The following APC variants were observed in gnomAD, a reference collection of about 807,000 sequenced individuals.
APC encodes APC regulator of Wnt signaling pathway, also known as adenomatous polyposis coli protein.
Under a neutral mutation model 247.0 loss-of-function variants are expected in APC, and 72 were observed. The observed-to-expected ratio is 0.29, with a 90% confidence interval of 0.24 to 0.35. APC has a LOEUF of 0.35. Ranked by LOEUF, APC falls within the 10% of genes least tolerant of loss-of-function variation. APC has a pLI of 1.00. For synonymous variants in APC, 1,254 were observed against 1,162.5 expected, an observed-to-expected ratio of 1.08 and a Z score of -1.60; for missense variants, 3,400 against 3,360.7, an observed-to-expected ratio of 1.01 and a Z score of -0.29.
At chr5:112,751,506 T>G (rs1243473451) in intron 1 of APC, among the ~76,000 whole-genome samples, 1 of 152,014 alleles carries the variant, frequency 6.6e-6, no homozygotes, top group Non-Finnish European at 1.5e-5. Context: ...GAAGTCTACT[T>G]TTCTATCTTT....
rs876660502 is a variant in APC, at chr5:112,838,997, T to C, written c.3403T>C (p.Tyr1135His). 3.7e-6 allele frequency: 6 copies of C among 1,614,110 alleles called. No individual in the cohort carries two copies. The highest frequency in any genetic ancestry group is 5.1e-6 in the Non-Finnish European group (6 of 1,180,016). The part of the protein sequence containing the change: ...VSQSLCQEDD[Y>H]EDDKPTNYSE... ...CCAGTCTTTGTGTCAAGAAGATGAC[T>C]ATGAAGATGATAAGCCTACCAATTA... The change falls in exon 16 of 16, where the codon TAT (tyrosine) becomes CAT (histidine). Residue 1135 changes from tyrosine to histidine, a missense_variant. By Grantham distance (83) the Tyr-to-His change is moderately conservative. This residue lies in a region of APC where 715 missense variants were observed against 656.6 expected (regional missense o/e 1.09). Transcript: ENST00000257430.
rs864622205 is a variant in APC, at chr5:112,843,734, C to A, written c.8140C>A (p.Arg2714Ser). Residue 2714 changes from arginine (R) to serine (S), a missense_variant, in exon 16 of 16, where the codon CGT becomes AGT. By Grantham distance (110) the Arg-to-Ser change is moderately radical. Coordinates refer to ENST00000257430, the MANE Select transcript of APC (RefSeq NM_000038.6). The surrounding 1 kb of genome is among the most constrained non-coding windows in gnomAD (Gnocchi z 4.8). ...TGTGGGTAATGGCAGTGTTCCCATG[C>A]GTACCGTGGGTTTGGAAAATCGCCT... ...QNVGNGSVPM[R>S]TVGLENRLNS... 1.2e-6 allele frequency: 2 copies of A among 1,614,038 alleles called. No individual in the cohort carries two copies. The highest frequency in any genetic ancestry group is 1.7e-6 in the Non-Finnish European group (2 of 1,179,938).
chr5:112,795,262 A>G (rs1760087992), intron 7 of APC, among the ~76,000 whole-genome samples: 1 of 152,174 alleles, frequency 6.6e-6, no homozygotes, highest in Admixed American at 6.5e-5. Context: ...TCCTGACCTC[A>G]TGATCTGCCC....
rs1474130992 is a variant in APC, at chr5:112,845,387, T to C, written c.*1261T>C. ...TATAGAATTCTGTACTTGAAATTGA[T>C]TCTTAGACATTGCAGTCTCTTCGAG... On this transcript the variant is annotated 3_prime_UTR_variant, in exon 16 of 16. Coordinates refer to ENST00000257430, the MANE Select transcript of APC (RefSeq NM_000038.6). 4.3e-6 allele frequency: 1 copy of C among 232,954 alleles called. No individual in the cohort carries two copies. The highest frequency in any genetic ancestry group is 2.2e-5 in the African/African-American group (1 of 45,316). The allele number at this position is 232,954 out of a possible 1,614,324, so 14.4% of individuals were successfully genotyped here.
chr5:112,834,522 C>T lies in APC; in HGVS notation c.1744-429C>T, dbSNP rs1034501812. 5.3e-5 allele frequency among the ~76,000 whole-genome samples: 8 copies of T among 152,126 alleles called. No individual in the cohort carries two copies. The highest frequency in any genetic ancestry group is 1.9e-4 in the African/African-American group (8 of 41,446). On this transcript the variant is annotated intron_variant, in intron 14 of 15. Transcript: ENST00000257430. ...CCTCCCAAAGTGCTGGGATTACAGGCATGAGCCACTGTGCCCGGCCACATG... is the reference window on the plus strand; with the variant it reads ...CCTCCCAAAGTGCTGGGATTACAGGTATGAGCCACTGTGCCCGGCCACATG...
At chr5:112,817,556 G>T (rs1762639971) in intron 9 of APC, among the ~76,000 whole-genome samples, 1 of 152,130 alleles carries the variant, frequency 6.6e-6, no homozygotes, top group South Asian at 2.1e-4. Context: ...TTTAATTCCA[G>T]ATCTGTCTAA....
intron 9 of APC, among the ~76,000 whole-genome samples, chr5:112,816,849 T>A (rs190150132): frequency 2.2e-4 from 33 of 151,838 alleles, no homozygotes; most frequent in Non-Finnish European, 3.7e-4. Flanking sequence ...AGTCAGAGAT[T>A]TGATTTTATT....
chr5:112,801,513 A>T lies in APC; in HGVS notation c.834+130A>T, dbSNP rs1760827574. On this transcript the variant is annotated intron_variant, in intron 8 of 15. Coordinates refer to ENST00000257430, the MANE Select transcript of APC (RefSeq NM_000038.6). ...GTCCTGAATGCATATTTCCAGAAGC[A>T]TTCAGTACCAATGTGCTGTCATTTC... is the stretch of plus-strand genomic sequence containing the variant. The T allele has an allele frequency of 2.0e-5, 13 of 643,388 alleles. No individual in the cohort carries two copies. In the South Asian group the frequency reaches 2.4e-4, roughly 12 times the overall value. The allele number at this position is 643,388 out of a possible 1,614,324, so 39.9% of individuals were successfully genotyped here.
Position 112,801,305 on chromosome 5 carries a change from C to G in APC, c.756C>G (p.Thr252=), listed in dbSNP as rs771535363. ...GGTCATCTCAGAACAAGCATGAAAC[C>G]GGCTCACATGATGCTGAGCGGCAGA... ...AERSSQNKHE[T]GSHDAERQNE... The change falls in exon 8 of 16, where the codon ACC becomes ACG. Residue 252 remains threonine (T), a synonymous_variant. Coordinates refer to ENST00000257430, the MANE Select transcript of APC (RefSeq NM_000038.6). The G allele has an allele frequency of 1.2e-6, 2 of 1,612,676 alleles. No individual in the cohort carries two copies. Among genetic ancestry groups the G allele is most frequent in the African/African-American group, 2.7e-5 (2 of 74,868 alleles).
chr5:112,768,247 T>C lies in APC; in HGVS notation c.422+857T>C, dbSNP rs370548029. Among the ~76,000 whole-genome samples, 20 of 151,940 alleles carry C rather than the reference T, an allele frequency of 1.3e-4. No homozygotes were observed. In the South Asian group the frequency reaches 3.7e-3, roughly 28 times the overall value. On this transcript the variant is annotated intron_variant, in intron 4 of 15. Coordinates refer to ENST00000257430, the MANE Select transcript of APC (RefSeq NM_000038.6). ...GAGTAGAGACAGTGTTTCACCATGT[T>C]GGTCAGGCTAGTCTCAAACTCATGA...
chr5:112,804,053 C>T (rs1265967608), intron 8 of APC, among the ~76,000 whole-genome samples: 3 of 152,136 alleles, frequency 2.0e-5, no homozygotes, highest in Non-Finnish European at 4.4e-5. Context: ...TGAGTATGTC[C>T]AGGCCTTCCA....
At chr5:112,777,408 A>T (rs1757781031) in intron 5 of APC, among the ~76,000 whole-genome samples, 1 of 152,176 alleles carries the variant, frequency 6.6e-6, no homozygotes, top group Admixed American at 6.5e-5. Context: ...CATGCAGTGG[A>T]TATAATATAC....
At position 112,792,455 on chromosome 5, in the gene APC, G is replaced by C; in HGVS notation, c.655G>C (p.Ala219Pro). 6.2e-7 allele frequency: 1 copy of C among 1,609,356 alleles called. No homozygotes were observed. Among genetic ancestry groups the C allele is most frequent in the Non-Finnish European group, 8.5e-7 (1 of 1,177,292 alleles). Residue 219 changes from alanine (A) to proline (P), a missense_variant, in exon 7 of 16, where the codon GCC becomes CCC. Physicochemically the swap from Ala to Pro is conservative, Grantham distance 27. Transcript: ENST00000257430. ...TCTTGTTTTATTTTAGCGAAGAATAGCCAGAATTCAGCAAATCGAAAAGGA... is the reference window on the plus strand; with the variant it reads ...TCTTGTTTTATTTTAGCGAAGAATACCCAGAATTCAGCAAATCGAAAAGGA... The part of the protein sequence containing the change: ...DMEKRAQRRI[A>P]RIQQIEKDIL...
intron 8 of APC, among the ~76,000 whole-genome samples, chr5:112,805,058 A>G (rs1225855647): frequency 6.6e-6 from 1 of 152,030 alleles, no homozygotes; most frequent in African/African-American, 2.4e-5. Context: ...ATACATATGT[A>G]TAATGTGTGT....
chr5:112,721,766 C>G (rs1197811660), intron 1 of APC, among the ~76,000 whole-genome samples: 1 of 150,434 alleles, frequency 6.6e-6, no homozygotes, highest in Non-Finnish European at 1.5e-5. Flanking sequence ...CTTTTGCCTC[C>G]CTCTACACCA....
At chr5:112,769,146 G>A (rs1756736424) in intron 4 of APC, among the ~76,000 whole-genome samples, 1 of 145,644 alleles carries the variant, frequency 6.9e-6, no homozygotes, top group Non-Finnish European at 1.5e-5. Context: ...CACCTCCTAG[G>A]TTCAAGCAAT....
At chr5:112,742,292 T>C (rs1561425530) in intron 1 of APC, among the ~76,000 whole-genome samples, 1 of 152,228 alleles carries the variant, frequency 6.6e-6, no homozygotes, top group African/African-American at 2.4e-5. Flanking sequence ...GCCGTAAGTT[T>C]TCTCCAAATC....
At chr5:112,714,762 C>G (rs1024034276) in intron 1 of APC, among the ~76,000 whole-genome samples, 1 of 152,194 alleles carries the variant, frequency 6.6e-6, no homozygotes, top group Non-Finnish European at 1.5e-5. Context: ...TATCATGCTT[C>G]AGCTTTACAA....
chr5:112,725,094 G>A (rs769115800), intron 1 of APC, among the ~76,000 whole-genome samples: 5 of 151,724 alleles, frequency 3.3e-5, no homozygotes, highest in Non-Finnish European at 5.9e-5. Flanking sequence ...AGCCATTCTC[G>A]TGGCCTAGCC....
Sources: allele counts gnomAD v4.1 joint callset (sites outside exome capture counted in the v4.1 genomes callset), GRCh38; gene constraint gnomAD v4.1.1; regional missense constraint gnomAD v4.1.1; non-coding constraint Gnocchi (gnomAD v3.1); transcripts MANE v1.5; gene names NCBI Gene and HGNC (gene_info 2026-07-23, HGNC 2026-07-21).